RPF2: variants seen among roughly 807,000 people sequenced by gnomAD.
The protein encoded by RPF2 is brix domain containing 1.
RPF2 carries 21 observed loss-of-function variants against 38.9 expected under a neutral mutation model. That is an observed-to-expected ratio of 0.54 (90% confidence interval 0.38 to 0.78). The LOEUF is 0.78. RPF2 is among the 30% of genes least tolerant of loss of function. The pLI is 0.00. For synonymous variants in RPF2, 121 were observed against 126.2 expected, an observed-to-expected ratio of 0.96 and a Z score of 0.28; for missense variants, 314 against 358.1, an observed-to-expected ratio of 0.88 and a Z score of 0.99.
chr6:111,002,707 A>C (rs1183045498), intron 6 of RPF2, among the ~76,000 whole-genome samples: 1 of 152,126 alleles, frequency 6.6e-6, no homozygotes, highest in East Asian at 1.9e-4. Context: ...TATAACTATA[A>C]ATTTTATTAA....
rs1771728855 is a variant in RPF2 at position 110,997,171 on chromosome 6, T to G, written c.235-12T>G. The G allele has an allele frequency of 2.7e-6, 4 of 1,504,534 alleles. No individual in the cohort carries two copies. Among genetic ancestry groups the G allele is most frequent in the African/African-American group, 1.4e-5 (1 of 72,664 alleles). 93.2% of individuals were successfully genotyped at this position (1,504,534 alleles called of 1,614,324 possible). A position where few individuals can be genotyped will look rare whatever the true frequency, so the allele number is the denominator to read the frequency against. ...TATGCATGGACTAAATGGGATTTAT[T>G]TGGTTTTATAGGAATTCTTTTCAAA... is the stretch of plus-strand genomic sequence containing the variant. On this transcript the variant is annotated splice_polypyrimidine_tract_variant and intron_variant, in intron 4 of 9. Transcript: ENST00000441448.
At chr6:111,024,021 C>T (rs1273413239) in intron 8 of RPF2, among the ~76,000 whole-genome samples, 162 bp from the exon 9 acceptor site, 2 of 152,018 alleles carry the variant, frequency 1.3e-5, no homozygotes, top group African/African-American at 4.8e-5. Context: ...AGATGTGAAC[C>T]AAAGGATATA....
chr6:110,990,571 C>CG (rs1771602802), intron 3 of RPF2, among the ~76,000 whole-genome samples: 1 of 134,266 alleles, frequency 7.4e-6, no homozygotes, highest in East Asian at 2.4e-4. Flanking sequence ...CCCCCCCCCC[C>CG]CCACCTTTTC....
chr6:110,985,271 T>C, intron 2 of RPF2, 133 bp downstream of exon 2: 1 of 700,026 alleles, frequency 1.4e-6, no homozygotes, highest in East Asian at 2.8e-5. Flanking sequence ...AGAGAAGAGC[T>C]AAAGTTGGGG....
intron 6 of RPF2, among the ~76,000 whole-genome samples, chr6:111,001,901 TG>T (rs1771817012): frequency 6.6e-6 from 1 of 152,182 alleles, no homozygotes. Flanking sequence ...CCCATCACTT[TG>T]GGAGGCCCTG....
chr6:110,994,477 TG>T (rs1771673616), intron 4 of RPF2, among the ~76,000 whole-genome samples: 4 of 151,696 alleles, frequency 2.6e-5, no homozygotes, highest in Admixed American at 2.6e-4. Flanking sequence ...GCTAACTATC[TG>T]GGAGACTGAG....
chr6:110,992,794 G>A (rs1055797850), intron 4 of RPF2, among the ~76,000 whole-genome samples: 1 of 151,896 alleles, frequency 6.6e-6, no homozygotes, highest in Non-Finnish European at 1.5e-5. Context: ...AAATCATCAG[G>A]GGCCAGACAC....
chr6:110,985,766 C>A (rs552909218), intron 2 of RPF2, among the ~76,000 whole-genome samples: 1 of 151,882 alleles, frequency 6.6e-6, no homozygotes, highest in Non-Finnish European at 1.5e-5. Flanking sequence ...GGTGAAACCC[C>A]GTCTCTACTA....
intron 5 of RPF2, among the ~76,000 whole-genome samples, chr6:110,999,402 C>G (rs776734406): frequency 2.6e-5 from 4 of 152,036 alleles, no homozygotes; most frequent in Non-Finnish European, 5.9e-5. Flanking sequence ...GAACCTTTAC[C>G]TCAGTGTATT....
In RPF2 at chr6:111,022,559, A is replaced by G. The variant is rs75591126; in HGVS notation, c.597-1624A>G. Among the ~76,000 whole-genome samples the G allele has an allele frequency of 6.6e-5, 10 of 152,342 alleles. No homozygotes were observed. The East Asian group carries it at 1.5e-3, about 23-fold the overall frequency. ...ATGAAATAACAACATAGGTAATTAT[A>G]CATAGTTATTTGGAAATCTTAATTT... On this transcript the variant is annotated intron_variant, in intron 8 of 9. Coordinates refer to ENST00000441448, the MANE Select transcript of RPF2 (RefSeq NM_032194.3).
At chr6:111,004,337 C>T (rs2114322499) in intron 6 of RPF2, among the ~76,000 whole-genome samples, 1 of 151,286 alleles carries the variant, frequency 6.6e-6, no homozygotes, top group South Asian at 2.1e-4. Flanking sequence ...CACACACCAC[C>T]ATATGCAGCT....
chr6:110,988,475 A>C, intron 2 of RPF2, among the ~76,000 whole-genome samples: 2 of 146,142 alleles, frequency 1.4e-5, no homozygotes, highest in East Asian at 2.0e-4. Context: ...TCACTCTATC[A>C]CCAGAGCTGG....
At chr6:110,982,388 C>T in intron 1 of RPF2, 1 of 563,162 alleles carries the variant, frequency 1.8e-6, no homozygotes, top group Non-Finnish European at 3.2e-6. Context: ...AGTTGAAAAA[C>T]GTCTGACTTC....
At chr6:111,004,298 T>G (rs1230424340) in intron 6 of RPF2, among the ~76,000 whole-genome samples, 2 of 151,796 alleles carry the variant, frequency 1.3e-5, no homozygotes. Context: ...TTCTCCTGCC[T>G]TAGCCTCCCA....
In RPF2 at chr6:111,008,898, C is replaced by CTTTTTTTTTTTTT. The variant is rs57167034; in HGVS notation, c.493+767_493+779dup. ...AAGCCCTCAGTGACCTTCCTGGCTC[C>CTTTTTTTTTTTTT]TTTTTTTTTTTTTTTTTTAAAGATA... On this transcript the variant is annotated intron_variant, in intron 7 of 9. Transcript: ENST00000441448. 1.3e-3 allele frequency among the ~76,000 whole-genome samples: 153 copies of CTTTTTTTTTTTTT among 120,408 alleles called. 14 individuals are homozygous for CTTTTTTTTTTTTT. Among genetic ancestry groups the CTTTTTTTTTTTTT allele is most frequent in the African/African-American group, 4.3e-3 (130 of 30,072 alleles). The allele number at this position is 120,408 out of a possible 152,430, so 79.0% of individuals were successfully genotyped here. A position where few individuals can be genotyped will look rare whatever the true frequency, so the allele number is the denominator to read the frequency against.
chr6:110,988,880 A>G (rs1771569475), intron 2 of RPF2, 148 bp from the exon 3 acceptor site: 5 of 951,490 alleles, frequency 5.3e-6, no homozygotes, highest in Non-Finnish European at 4.6e-6. Flanking sequence ...AAGTTACTGT[A>G]AGTGATGAAA....
intron 7 of RPF2, among the ~76,000 whole-genome samples, 190 bp from the exon 8 acceptor site, chr6:111,015,564 C>T (rs115855030): frequency 1.3e-5 from 2 of 152,268 alleles, no homozygotes; most frequent in Admixed American, 6.5e-5. Context: ...GTGAACTGAA[C>T]ACCAAAATAC....
intron 1 of RPF2, 62 bp from the exon 2 acceptor site, chr6:110,984,944 G>A (rs888431482): frequency 6.7e-7 from 1 of 1,502,098 alleles, no homozygotes; most frequent in Non-Finnish European, 9.0e-7. Context: ...TATTAGTTAA[G>A]TCATGGCTTT....
chr6:111,010,717 A>G (rs760569554), intron 7 of RPF2, among the ~76,000 whole-genome samples: 3 of 152,100 alleles, frequency 2.0e-5, no homozygotes, highest in Non-Finnish European at 4.4e-5. Context: ...ACTTTTGAAA[A>G]ATTGATGGGG....
Sources: allele counts gnomAD v4.1 joint callset (sites outside exome capture counted in the v4.1 genomes callset), GRCh38; gene constraint gnomAD v4.1.1; transcripts MANE v1.5; gene names NCBI Gene and HGNC (gene_info 2026-07-23, HGNC 2026-07-21).